The following MLLT3 variants were observed in gnomAD, a reference collection of about 807,000 sequenced individuals.
MLLT3 encodes the protein protein AF-9.
MLLT3 carries 4 observed loss-of-function variants against 53.2 expected under a neutral mutation model. The observed-to-expected ratio is 0.08, with a 90% confidence interval of 0.04 to 0.17. The LOEUF is 0.17. Among genes scored for constraint, MLLT3 ranks in the 10% least tolerant of loss-of-function variants. The probability of loss-of-function intolerance (pLI) is 1.00; values close to 1 mark genes in which losing one functional copy is unlikely to be tolerated. For synonymous variants in MLLT3, 283 were observed against 230.6 expected (o/e 1.23, Z -2.06); for missense variants, 569 against 684.0 (o/e 0.83, Z 1.87).
In MLLT3 at chr9:20,448,219, A is replaced by C. The variant is rs777624259; in HGVS notation, c.324T>G (p.Leu108=). ...VRFDYDLFLH[L]EGHPPVNHLR... ...GGTGATTCACTGGTGGATGGCCTTC[A>C]AGATGCAGGAATAAGTCATAATCAA... Residue 108 remains leucine, a synonymous_variant, in exon 4 of 11, where the codon CTT becomes CTG. Transcript: ENST00000380338. The surrounding 1 kb of genome is among the most constrained non-coding windows in gnomAD (Gnocchi z 4.0). The C allele has an allele frequency of 6.1e-5, 98 of 1,613,730 alleles. 5 individuals are homozygous for C. In the South Asian group the frequency reaches 1.0e-3, roughly 17 times the overall value.
At chr9:20,521,835 A>T (rs963905707) in intron 2 of MLLT3, among the ~76,000 whole-genome samples, 1 of 152,200 alleles carries the variant, frequency 6.6e-6, no homozygotes, top group South Asian at 2.1e-4. Flanking sequence ...TGCTGAAAAA[A>T]TAGCCGTAAT....
At chr9:20,420,861 T>C (rs1024114352) in intron 4 of MLLT3, among the ~76,000 whole-genome samples, 2 of 152,232 alleles carry the variant, frequency 1.3e-5, no homozygotes, top group Non-Finnish European at 2.9e-5. Context: ...AGAAGTTTTA[T>C]ATGTATCCAT....
intron 4 of MLLT3, among the ~76,000 whole-genome samples, chr9:20,432,787 C>A (rs1276050531): frequency 6.6e-6 from 1 of 152,038 alleles, no homozygotes; most frequent in Non-Finnish European, 1.5e-5. Context: ...AAAATTATTT[C>A]CATCCTTCAC....
At chr9:20,541,267 C>G (rs1271160403) in intron 2 of MLLT3, among the ~76,000 whole-genome samples, 1 of 152,188 alleles carries the variant, frequency 6.6e-6, no homozygotes, top group African/African-American at 2.4e-5. Context: ...GTCCTCTGAA[C>G]TGTTCCAACC....
intron 5 of MLLT3, among the ~76,000 whole-genome samples, chr9:20,393,640 T>TC (rs1345304529): frequency 6.6e-6 from 1 of 152,230 alleles, no homozygotes; most frequent in Non-Finnish European, 1.5e-5. Flanking sequence ...GCAATGCCTC[T>TC]CTTCTTTACT....
Position 20,418,614 on chromosome 9 carries a change from G to GT in MLLT3, c.421-4190dup, listed in dbSNP as rs951015752. Among the ~76,000 whole-genome samples the GT allele has an allele frequency of 2.6e-4, 39 of 151,898 alleles. No individual in the cohort carries two copies. In the East Asian group the frequency reaches 4.1e-3, roughly 16 times the overall value. On this transcript the variant is annotated intron_variant, in intron 4 of 10. Transcript: ENST00000380338. The stretch of plus-strand genomic sequence containing the variant: ...CTGCTTGACCCAAAAGAGTTTATTT[G>GT]TTTTTTTTAGAGATGGGGTCTTGCT...
rs942681797 is a variant in MLLT3 at position 20,498,029 on chromosome 9, C to A, written c.194-41243G>T. 1.3e-4 allele frequency among the ~76,000 whole-genome samples: 19 copies of A among 151,956 alleles called. 1 individual carries two copies. The highest frequency in any genetic ancestry group is 4.6e-4 in the African/African-American group (19 of 41,430). On this transcript the variant is annotated intron_variant, in intron 2 of 10. Coordinates refer to ENST00000380338, the MANE Select transcript of MLLT3 (RefSeq NM_004529.4). ...TTGAGGCCAGGAGTTCGAGATCAGT[C>A]TGCCTAACATGGTGAAACTTTGTCT...
At position 20,484,382 on chromosome 9, in the gene MLLT3, G is replaced by A. The variant is rs941503754; in HGVS notation, c.194-27596C>T. Among the ~76,000 whole-genome samples, 11 of 152,020 alleles carry A rather than the reference G, an allele frequency of 7.2e-5. No homozygotes were observed. In the East Asian group the frequency reaches 9.7e-4, roughly 13 times the overall value. ...CCTCTGACAGAACAATTGTTCTACC[G>A]TCATTACTACACTGCTGTAGTAATG... is the stretch of plus-strand genomic sequence containing the variant. On this transcript the variant is annotated intron_variant, in intron 2 of 10. Transcript: ENST00000380338.
intron 2 of MLLT3, among the ~76,000 whole-genome samples, chr9:20,485,498 T>A (rs371046885): frequency 6.6e-6 from 1 of 152,232 alleles, no homozygotes; most frequent in Non-Finnish European, 1.5e-5. Flanking sequence ...CTAAACAATA[T>A]ATCTTATTTT....
chr9:20,541,247 ATTC>A (rs1818622633), intron 2 of MLLT3, among the ~76,000 whole-genome samples: 2 of 152,282 alleles, frequency 1.3e-5, no homozygotes, highest in South Asian at 4.1e-4. Flanking sequence ...ATCTTCCTGT[ATTC>A]TTCTGAGTCC....
chr9:20,363,386 G>A (rs539781359), intron 7 of MLLT3, 90 bp downstream of exon 7: 3 of 1,509,622 alleles, frequency 2.0e-6, no homozygotes, highest in Admixed American at 3.9e-5. Flanking sequence ...CGTTTTTGGT[G>A]TTTCACACCT....
At chr9:20,536,590 A>C (rs1329567780) in intron 2 of MLLT3, among the ~76,000 whole-genome samples, 1 of 152,218 alleles carries the variant, frequency 6.6e-6, no homozygotes, top group Non-Finnish European at 1.5e-5. Flanking sequence ...GTTAGCTTAG[A>C]AGAAAAAGTG....
At chr9:20,356,838 T>C (rs7020850) in intron 8 of MLLT3, among the ~76,000 whole-genome samples, 2,601 of 152,282 alleles carry the variant, frequency 0.017, 61 homozygotes, top group African/African-American at 0.056. Flanking sequence ...CCAAAATACA[T>C]TGAAATCCTA....
At chr9:20,372,684 A>G (rs1821642144) in intron 5 of MLLT3, among the ~76,000 whole-genome samples, 1 of 149,556 alleles carries the variant, frequency 6.7e-6, no homozygotes, top group Non-Finnish European at 1.5e-5. Flanking sequence ...CTGGGATTAC[A>G]GGCATGAGCC....
intron 2 of MLLT3, among the ~76,000 whole-genome samples, chr9:20,465,212 T>A (rs1028987040): frequency 6.6e-6 from 1 of 151,874 alleles, no homozygotes; most frequent in Admixed American, 6.6e-5. Flanking sequence ...AGGAAAAAAA[T>A]TACATGGTTC....
chr9:20,495,298 C>CA (rs1825054647), intron 2 of MLLT3, among the ~76,000 whole-genome samples: 1 of 152,170 alleles, frequency 6.6e-6, no homozygotes, highest in Non-Finnish European at 1.5e-5. Flanking sequence ...GTTGGAACTA[C>CA]AAAATCTCAG....
At chr9:20,497,140 T>G (rs1029425036) in intron 2 of MLLT3, among the ~76,000 whole-genome samples, 5 of 152,210 alleles carry the variant, frequency 3.3e-5, no homozygotes, top group African/African-American at 1.2e-4. Context: ...TGCTGTAGTA[T>G]CCAGTAGTAA....
At chr9:20,420,860 A>G (rs1822990730) in intron 4 of MLLT3, among the ~76,000 whole-genome samples, 1 of 152,216 alleles carries the variant, frequency 6.6e-6, no homozygotes, top group African/African-American at 2.4e-5. Flanking sequence ...CAGAAGTTTT[A>G]TATGTATCCA....
chr9:20,469,013 A>G (rs1259531030), intron 2 of MLLT3, among the ~76,000 whole-genome samples: 2 of 152,220 alleles, frequency 1.3e-5, no homozygotes, highest in Admixed American at 6.5e-5. Flanking sequence ...TTATTAGACC[A>G]TTAAATAAAG....
Sources: gnomAD v4.1 joint callset for allele counts (sites outside exome capture counted in the v4.1 genomes callset) on GRCh38, gnomAD v4.1.1 for gene constraint, Gnocchi (gnomAD v3.1) non-coding constraint, MANE v1.5 for transcripts, NCBI Gene and HGNC (gene_info 2026-07-23, HGNC 2026-07-21) for gene names.